The following STK4 variants were observed in gnomAD, a reference collection of about 807,000 sequenced individuals.
STK4 encodes the protein serine/threonine kinase 4, also known as serine/threonine-protein kinase 4.
A neutral mutation model predicts 64.9 loss-of-function variants in STK4; 30 were observed. The observed-to-expected ratio is 0.46, with a 90% CI of 0.35 to 0.63. STK4 has a LOEUF of 0.63. Ranked by LOEUF, STK4 falls within the 20% of genes least tolerant of loss-of-function variation. STK4 has a pLI of 0.01. For synonymous variants in STK4, 177 were observed against 199.0 expected (o/e 0.89, Z 0.93); for missense variants, 466 against 598.5 (o/e 0.78, Z 2.31).
chr20:45,070,868 A>C (rs1477248571), intron 10 of STK4, among the ~76,000 whole-genome samples: 2 of 146,896 alleles, frequency 1.4e-5, no homozygotes, highest in African/African-American at 5.1e-5. Context: ...CCTGGGGGAC[A>C]GAGCCAGACT....
chr20:45,025,474 A>C (rs560656913), intron 10 of STK4, among the ~76,000 whole-genome samples: 1 of 152,218 alleles, frequency 6.6e-6, no homozygotes, highest in Non-Finnish European at 1.5e-5. Flanking sequence ...TTGGAGGGCA[A>C]TTGACACTGT....
intron 10 of STK4, among the ~76,000 whole-genome samples, chr20:45,056,858 G>A (rs1190818861): frequency 6.6e-6 from 1 of 152,236 alleles, no homozygotes; most frequent in Non-Finnish European, 1.5e-5. Flanking sequence ...CAAACTGCCA[G>A]GGCTTCAGAC....
Position 45,076,436 on chromosome 20 carries a change from CTTTGGGGGAAGAG to C in STK4, c.*1261_*1273del, listed in dbSNP as rs1980522020. On this transcript the variant is annotated 3_prime_UTR_variant, in exon 11 of 11. Transcript: ENST00000372806. This position sits in a 1 kb window ranked among gnomAD's most constrained non-coding sequence, Gnocchi z 4.0. ...AGGCCACCGAACCATGCAGCCCCTT[CTTTGGGGGAAGAG>C]ACCTGTGTCAGTCTTGGTTAATTGT... 6.6e-6 allele frequency: 1 copy of C among 152,214 alleles called. No individual in the cohort carries two copies. Among genetic ancestry groups the C allele is most frequent in the Non-Finnish European group, 1.5e-5 (1 of 68,042 alleles). The allele number at this position is 152,214 out of a possible 1,614,324, so 9.4% of individuals were successfully genotyped here.
At chr20:45,021,109 A>G (rs1035662712) in intron 9 of STK4, among the ~76,000 whole-genome samples, 2 of 152,146 alleles carry the variant, frequency 1.3e-5, no homozygotes, top group South Asian at 2.1e-4. Flanking sequence ...ATGAGCCACC[A>G]TGCCCAGCCT....
At chr20:44,984,349 C>T (rs948210340) in intron 4 of STK4, among the ~76,000 whole-genome samples, 2 of 151,672 alleles carry the variant, frequency 1.3e-5, no homozygotes, top group African/African-American at 2.4e-5. Flanking sequence ...TACAGGCGCC[C>T]GCCACCACGC....
intron 10 of STK4, among the ~76,000 whole-genome samples, chr20:45,053,557 A>C (rs1568758113): frequency 6.6e-6 from 1 of 152,174 alleles, no homozygotes; most frequent in Non-Finnish European, 1.5e-5. Flanking sequence ...TAAGAACTGC[A>C]ATAAGTATCC....
chr20:45,007,871 G>T, intron 9 of STK4: 1 of 330,028 alleles, frequency 3.0e-6, no homozygotes, highest in Non-Finnish European at 6.1e-6. Context: ...CTAGTTTTTC[G>T]ACCCATGGTC....
chr20:45,071,068 C>T (rs1361308689), intron 10 of STK4, among the ~76,000 whole-genome samples: 1 of 152,052 alleles, frequency 6.6e-6, no homozygotes, highest in African/African-American at 2.4e-5. Context: ...CACAGCCAAA[C>T]CATATCACAG....
chr20:45,024,166 C>T (rs1272018473), intron 9 of STK4, among the ~76,000 whole-genome samples: 4 of 151,946 alleles, frequency 2.6e-5, no homozygotes, highest in Non-Finnish European at 2.9e-5. Flanking sequence ...TCCCAAAGTG[C>T]TGGGATTACA....
In STK4 at chr20:45,062,989, C is replaced by CTTTTTTTTTTTTTTTTTTTTT. The variant is rs71197599; in HGVS notation, c.1306-12019_1306-11999dup. On this transcript the variant is annotated intron_variant, in intron 10 of 10. Transcript: ENST00000372806. ...ACAGGTGTGAGCCACCGCACCCGGC[C>CTTTTTTTTTTTTTTTTTTTTT]TTTTTTTTTTTTTTTTTTTTTTTTT... Among the ~76,000 whole-genome samples the CTTTTTTTTTTTTTTTTTTTTT allele has an allele frequency of 1.3e-4, 4 of 31,500 alleles. 1 individual carries two copies. Among genetic ancestry groups the CTTTTTTTTTTTTTTTTTTTTT allele is most frequent in the Non-Finnish European group, 2.3e-4 (4 of 17,128 alleles). The allele number at this position is 31,500 out of a possible 152,430, so 20.7% of individuals were successfully genotyped here.
At chr20:45,054,123 C>G (rs1384986954) in intron 10 of STK4, among the ~76,000 whole-genome samples, 2 of 152,274 alleles carry the variant, frequency 1.3e-5, no homozygotes, top group South Asian at 2.1e-4. Flanking sequence ...AGGCAAGTGA[C>G]TAAATCGTGG....
At chr20:45,054,722 G>T (rs1201531967) in intron 10 of STK4, among the ~76,000 whole-genome samples, 2 of 152,018 alleles carry the variant, frequency 1.3e-5, no homozygotes, top group Non-Finnish European at 2.9e-5. Flanking sequence ...GTAGCACTGG[G>T]TTAATAATTA....
At chr20:45,006,311 A>G (rs1298640974) in intron 9 of STK4, among the ~76,000 whole-genome samples, 1 of 149,476 alleles carries the variant, frequency 6.7e-6, no homozygotes, top group East Asian at 1.9e-4. Context: ...TATGTTGTCC[A>G]GGCAGGTCTT....
At chr20:44,985,828 A>G (rs1386530505) in intron 4 of STK4, among the ~76,000 whole-genome samples, 1 of 152,248 alleles carries the variant, frequency 6.6e-6, no homozygotes, top group Non-Finnish European at 1.5e-5. Context: ...GTCACATGAA[A>G]GTAGAGCCAA....
intron 9 of STK4, among the ~76,000 whole-genome samples, chr20:45,006,315 A>G (rs564565198): frequency 6.7e-6 from 1 of 150,276 alleles, no homozygotes; most frequent in Non-Finnish European, 1.5e-5. Context: ...TTGTCCAGGC[A>G]GGTCTTGAAC....
At chr20:45,029,365 C>T (rs1405028422) in intron 10 of STK4, among the ~76,000 whole-genome samples, 2 of 152,150 alleles carry the variant, frequency 1.3e-5, no homozygotes, top group African/African-American at 4.8e-5. Flanking sequence ...TTTATATATG[C>T]TTGAGCCAGC....
chr20:45,040,045 ATTT>A (rs34807441), intron 10 of STK4, among the ~76,000 whole-genome samples: 5 of 131,650 alleles, frequency 3.8e-5, no homozygotes, highest in African/African-American at 8.4e-5. Context: ...ATCAGGTTCG[ATTT>A]TTTTTTTTTT....
At chr20:44,983,658 T>C (rs1219247774) in intron 4 of STK4, among the ~76,000 whole-genome samples, 2 of 152,106 alleles carry the variant, frequency 1.3e-5, no homozygotes, top group Admixed American at 6.6e-5. Flanking sequence ...TCTGGGTAGA[T>C]TGTGGGTGGA....
Position 45,078,840 on chromosome 20 carries a change from T to C in STK4, c.*3664T>C, listed in dbSNP as rs1980716946. The C allele has an allele frequency of 6.6e-6, 1 of 152,362 alleles. No individual in the cohort carries two copies. Among genetic ancestry groups the C allele is most frequent in the South Asian group, 2.1e-4 (1 of 4,826 alleles). 9.4% of individuals were successfully genotyped at this position (152,362 alleles called of 1,614,324 possible). A position where few individuals can be genotyped will look rare whatever the true frequency, so the allele number is the denominator to read the frequency against. The stretch of plus-strand genomic sequence containing the variant: ...TACCATTTAAAACTCAGTAAGTCTT[T>C]TAAATATCAGGAAGGAGAGAAGCGA... On this transcript the variant is annotated 3_prime_UTR_variant, in exon 11 of 11. Transcript: ENST00000372806.
Sources: gnomAD v4.1 joint callset for allele counts (sites outside exome capture counted in the v4.1 genomes callset) on GRCh38, gnomAD v4.1.1 for gene constraint, Gnocchi (gnomAD v3.1) non-coding constraint, MANE v1.5 for transcripts, NCBI Gene and HGNC (gene_info 2026-07-23, HGNC 2026-07-21) for gene names.